OAT: variants seen among roughly 807,000 people sequenced by gnomAD.
OAT encodes ornithine aminotransferase, mitochondrial.
OAT carries 35 observed loss-of-function variants against 48.4 expected under a neutral mutation model. That is an observed-to-expected ratio of 0.72 (90% confidence interval 0.55 to 0.96). The LOEUF is 0.96. Ranked by LOEUF, OAT falls within the 40% of genes least tolerant of loss-of-function variation. The pLI, the probability that OAT is intolerant of heterozygous loss-of-function variation, is 0.00. For missense variants in OAT, 438 were observed against 537.9 expected (o/e 0.81, Z 1.84); for synonymous variants, 182 against 198.4 (o/e 0.92, Z 0.70).
chr10:124,417,048 T>C (rs2134509146), intron 1 of OAT, among the ~76,000 whole-genome samples: 1 of 152,240 alleles, frequency 6.6e-6, no homozygotes, highest in African/African-American at 2.4e-5. Context: ...TCACTATTTG[T>C]AAATGTTTGA....
intron 7 of OAT, 90 bp from the exon 8 acceptor site, chr10:124,401,929 T>G (rs1400929191): frequency 4.3e-6 from 4 of 932,544 alleles, no homozygotes; most frequent in Non-Finnish European, 6.8e-6. Flanking sequence ...TCACCCAGGC[T>G]TGAGTGCAGT....
At chr10:124,403,955 C>T in intron 5 of OAT, 35 bp from the exon 6 acceptor site, 1 of 1,613,174 alleles carries the variant, frequency 6.2e-7, no homozygotes. Context: ...TTAATAACTT[C>T]CTTTCTACCA....
chr10:124,399,406 C>T (rs897025662), intron 9 of OAT, among the ~76,000 whole-genome samples: 1 of 135,972 alleles, frequency 7.4e-6, no homozygotes, highest in Non-Finnish European at 1.5e-5. Context: ...AGTGCAGCGG[C>T]GCAATCTCAG....
intron 1 of OAT, among the ~76,000 whole-genome samples, chr10:124,417,402 A>G (rs1951953263): frequency 1.4e-5 from 2 of 145,382 alleles, no homozygotes; most frequent in Admixed American, 1.5e-4. Flanking sequence ...CTCCTGCCTC[A>G]GCCTCCCGAG....
intron 8 of OAT, 75 bp downstream of exon 8, chr10:124,401,651 C>T (rs1438365415): frequency 1.7e-5 from 16 of 966,516 alleles, no homozygotes; most frequent in Non-Finnish European, 2.3e-5. Flanking sequence ...TTTTATTATA[C>T]CAGTGGGCCC....
rs141550922 is a variant in OAT at position 124,405,748 on chromosome 10, C to T, written c.521-185G>A. 77 of 1,412,262 alleles carry T rather than the reference C, an allele frequency of 5.5e-5. No homozygotes were observed. In the African/African-American group the frequency reaches 1.0e-3, roughly 18 times the overall value. 87.5% of individuals were successfully genotyped at this position (1,412,262 alleles called of 1,614,324 possible). Reference sequence around the variant, plus strand: ...ATTAAACACCATGGCTCCTATGACACAAGGCCACTAAGTCTGGCCTTGTAA... The same window carrying T: ...ATTAAACACCATGGCTCCTATGACATAAGGCCACTAAGTCTGGCCTTGTAA... On this transcript the variant is annotated intron_variant, in intron 4 of 9. Transcript: ENST00000368845.
chr10:124,403,298 A>C (rs540461883), intron 6 of OAT: 130 of 573,062 alleles, frequency 2.3e-4, no homozygotes, highest in African/African-American at 2.0e-3. Context: ...CCTGCTCTAC[A>C]TAGTGAAAAG....
intron 5 of OAT, among the ~76,000 whole-genome samples, chr10:124,404,271 A>T (rs538045615): frequency 6.5e-4 from 92 of 141,282 alleles, no homozygotes; most frequent in African/African-American, 2.1e-3. Flanking sequence ...ATTTATTTTC[A>T]TTTTTTTTTT....
intron 4 of OAT, chr10:124,406,981 CAG>C: frequency 1.0e-6 from 1 of 985,284 alleles, no homozygotes; most frequent in Non-Finnish European, 1.2e-6. Flanking sequence ...TGTAAAATAA[CAG>C]AGAGGTTGGG....
At chr10:124,405,691 G>A (rs75286822) in intron 4 of OAT, 128 bp from the exon 5 acceptor site, 23 of 1,524,568 alleles carry the variant, frequency 1.5e-5, no homozygotes, top group Non-Finnish European at 8.8e-7. Context: ...TGCACCTTCG[G>A]TGGGCTTTCA....
At chr10:124,411,457 G>A (rs1564739104) in intron 2 of OAT, among the ~76,000 whole-genome samples, 1 of 152,112 alleles carries the variant, frequency 6.6e-6, no homozygotes, top group Non-Finnish European at 1.5e-5. Context: ...AGGTCTACAT[G>A]ACAAAGACAA....
chr10:124,409,428 G>A (rs1057462199), intron 2 of OAT, among the ~76,000 whole-genome samples: 3 of 152,120 alleles, frequency 2.0e-5, no homozygotes, highest in Admixed American at 1.3e-4. Context: ...GGTAGTGCGC[G>A]CGTATGGTCC....
intron 9 of OAT, 136 bp downstream of exon 9, chr10:124,400,704 T>C: frequency 1.6e-6 from 1 of 631,558 alleles, no homozygotes; most frequent in Non-Finnish European, 2.6e-6. Context: ...GAGCCAAGAT[T>C]GCGCCACGGC....
Position 124,405,530 on chromosome 10 carries a change from AT to A in OAT, c.553del (p.Ile185SerfsTer45). ...ACTGGTTGGGTCTGTGGAACTGGAG[AT>A]AGCAGACAACGTCCTACCCCAGAAG... ...GNFWGRTLSA[I>X]SSSTDPTSYD... On this transcript the variant is annotated frameshift_variant, in exon 5 of 10. Coordinates refer to ENST00000368845, the MANE Select transcript of OAT (RefSeq NM_000274.4). LOFTEE classifies it high-confidence loss of function. 6.2e-7 allele frequency: 1 copy of A among 1,614,120 alleles called. No individual in the cohort carries two copies. The highest frequency in any genetic ancestry group is 2.2e-5 in the East Asian group (1 of 44,878).
At chr10:124,398,249 G>T (rs1229939983) in intron 9 of OAT, 147 bp from the exon 10 acceptor site, 7 of 865,688 alleles carry the variant, frequency 8.1e-6, no homozygotes, top group Admixed American at 6.5e-5. Context: ...GGTGGCTTAT[G>T]CCTGTAATCC....
At position 124,412,093 on chromosome 10, in the gene OAT, A is replaced by T; in HGVS notation, c.79T>A (p.Ser27Thr). The change falls in exon 2 of 10, where the codon TCT (serine) becomes ACT (threonine). Residue 27 changes from serine (S) to threonine (T), a missense_variant. Physicochemically the swap from Ser to Thr is moderately conservative, Grantham distance 58 (BLOSUM62 1). Transcript: ENST00000368845. ...GVHSSVASAT[S>T]VATKKTVQGP... Reference sequence around the variant, plus strand: ...TGGACTGTTTTTTTAGTTGCAACAGATGTAGCAGAAGCCACTGAAGAATGA... The same window carrying T: ...TGGACTGTTTTTTTAGTTGCAACAGTTGTAGCAGAAGCCACTGAAGAATGA... 6.2e-7 allele frequency: 1 copy of T among 1,614,160 alleles called. No individual in the cohort carries two copies. The highest frequency in any genetic ancestry group is 8.5e-7 in the Non-Finnish European group (1 of 1,179,990).
At chr10:124,407,551 T>A in intron 4 of OAT, 1 of 586,312 alleles carries the variant, frequency 1.7e-6, no homozygotes, top group Non-Finnish European at 2.1e-6. Flanking sequence ...GGAATACCAA[T>A]CTGTCCCCTC....
Position 124,397,756 on chromosome 10 carries a change from C to T in OAT, c.*186G>A, listed in dbSNP as rs186070660. The T allele has an allele frequency of 3.3e-5, 20 of 609,302 alleles. No individual in the cohort carries two copies. The highest frequency in any genetic ancestry group is 1.7e-4 in the Admixed American group (6 of 34,350). 37.7% of individuals were successfully genotyped at this position (609,302 alleles called of 1,614,324 possible). On this transcript the variant is annotated 3_prime_UTR_variant, in exon 10 of 10. Coordinates refer to ENST00000368845, the MANE Select transcript of OAT (RefSeq NM_000274.4). The stretch of plus-strand genomic sequence containing the variant: ...TAGATGCCATTACATTATTTAGTTA[C>T]GTTACAAAGCAAACGGCAGGTTCAT...
chr10:124,414,455 A>T (rs1951854513), intron 1 of OAT: 1 of 152,228 alleles, frequency 6.6e-6, no homozygotes, highest in Admixed American at 6.5e-5. Context: ...GCAGAATTAC[A>T]TGCAGACGTA....
Sources: gnomAD v4.1 joint callset for allele counts (sites outside exome capture counted in the v4.1 genomes callset) on GRCh38, gnomAD v4.1.1 for gene constraint, MANE v1.5 for transcripts, NCBI Gene and HGNC (gene_info 2026-07-23, HGNC 2026-07-21) for gene names.